ODAD2: variants seen among roughly 807,000 people sequenced by gnomAD.
ODAD2 encodes the protein outer dynein arm docking complex subunit 2.
A neutral mutation model predicts 106.8 loss-of-function variants in ODAD2; 89 were observed. The ratio of observed to expected loss-of-function variants is 0.83; its 90% CI spans 0.70 to 0.99. The LOEUF is 0.99. Among genes scored for constraint, ODAD2 ranks in the 50% least tolerant of loss-of-function variants. ODAD2 has a pLI of 0.00. For missense variants in ODAD2, 1,168 were observed against 1,238.5 expected, an observed-to-expected ratio of 0.94 and a Z score of 0.85; for synonymous variants, 404 against 436.2, an observed-to-expected ratio of 0.93 and a Z score of 0.92.
intron 16 of ODAD2, among the ~76,000 whole-genome samples, chr10:27,918,342 A>G (rs1844539040): frequency 6.6e-6 from 1 of 151,954 alleles, no homozygotes; most frequent in Non-Finnish European, 1.5e-5. Flanking sequence ...ATTTTATCCA[A>G]GGAATAGAAG....
chr10:27,979,544 A>C (rs560545603), intron 7 of ODAD2, among the ~76,000 whole-genome samples: 1 of 152,038 alleles, frequency 6.6e-6, no homozygotes, highest in African/African-American at 2.4e-5. Context: ...ATCTGATTTG[A>C]TCACTCAAAA....
At chr10:27,934,920 A>ATCAAT in intron 16 of ODAD2, 90 bp downstream of exon 16, 1 of 1,464,628 alleles carries the variant, frequency 6.8e-7, no homozygotes. Flanking sequence ...ATTCGTGCAC[A>ATCAAT]TCAATTCTAA....
intron 17 of ODAD2, among the ~76,000 whole-genome samples, chr10:27,891,068 G>C (rs961899992): frequency 6.6e-6 from 1 of 152,092 alleles, no homozygotes; most frequent in Non-Finnish European, 1.5e-5. Context: ...CCCTCCACAA[G>C]CCTTCTTCTC....
chr10:27,912,645 A>G (rs1844090152), intron 16 of ODAD2, among the ~76,000 whole-genome samples: 1 of 152,180 alleles, frequency 6.6e-6, no homozygotes, highest in African/African-American at 2.4e-5. Context: ...CATGTTTTCT[A>G]AAAACTTCAC....
At chr10:27,971,041 C>G in intron 8 of ODAD2, 67 bp downstream of exon 8, 1 of 734,110 alleles carries the variant, frequency 1.4e-6, no homozygotes, top group East Asian at 2.9e-5. Context: ...AAATAAAGTT[C>G]TGTGAAAAAT....
chr10:27,965,310 A>G (rs1346519888), intron 9 of ODAD2, among the ~76,000 whole-genome samples: 1 of 152,238 alleles, frequency 6.6e-6, no homozygotes, highest in East Asian at 1.9e-4. Context: ...GTGGTTACAC[A>G]GAGCCTAGGG....
chr10:27,850,111 T>G (rs1224619812), intron 19 of ODAD2, among the ~76,000 whole-genome samples: 2 of 152,152 alleles, frequency 1.3e-5, no homozygotes, highest in Admixed American at 1.3e-4. Context: ...ACTTCACTAA[T>G]TTGGGCCTTA....
intron 17 of ODAD2, among the ~76,000 whole-genome samples, chr10:27,895,041 G>GAAAA (rs367930896): frequency 0.037 from 4,975 of 136,066 alleles, 326 homozygotes; most frequent in African/African-American, 0.13. Flanking sequence ...TCATCGGTAC[G>GAAAA]AAAAAAAAAA....
At chr10:27,955,909 GGT>G (rs1847696787) in intron 10 of ODAD2, among the ~76,000 whole-genome samples, 1 of 151,942 alleles carries the variant, frequency 6.6e-6, no homozygotes, top group South Asian at 2.1e-4. Context: ...CTGGCAGCCC[GGT>G]GGCATTTCTG....
intron 17 of ODAD2, among the ~76,000 whole-genome samples, chr10:27,870,834 T>C (rs1840819697): frequency 6.6e-6 from 1 of 152,218 alleles, no homozygotes; most frequent in Non-Finnish European, 1.5e-5. Context: ...TGTGTCTTTA[T>C]AGCAACATGA....
intron 1 of ODAD2, among the ~76,000 whole-genome samples, 159 bp downstream of exon 1, chr10:27,998,835 G>T (rs899279282): frequency 6.6e-6 from 1 of 152,088 alleles, no homozygotes; most frequent in African/African-American, 2.4e-5. Flanking sequence ...GTCGGCGCCC[G>T]CCTGTTGCTA....
At chr10:27,916,955 A>G (rs1216921840) in intron 16 of ODAD2, among the ~76,000 whole-genome samples, 1 of 152,106 alleles carries the variant, frequency 6.6e-6, no homozygotes, top group Admixed American at 6.6e-5. Flanking sequence ...AAATTTTCAC[A>G]CCCCTTTCTC....
intron 16 of ODAD2, among the ~76,000 whole-genome samples, chr10:27,913,252 T>C (rs1005940115): frequency 1.3e-5 from 2 of 152,056 alleles, no homozygotes; most frequent in Non-Finnish European, 2.9e-5. Flanking sequence ...TGGTACCTGA[T>C]AGGTAGTTTT....
intron 17 of ODAD2, among the ~76,000 whole-genome samples, chr10:27,875,659 T>C (rs185432170): frequency 3.3e-3 from 498 of 152,182 alleles, no homozygotes; most frequent in Non-Finnish European, 5.4e-3. Flanking sequence ...CCAACTGAGG[T>C]ACCAGGTTCA....
intron 19 of ODAD2, among the ~76,000 whole-genome samples, chr10:27,859,894 T>C (rs944007983): frequency 1.3e-5 from 2 of 152,206 alleles, no homozygotes; most frequent in Non-Finnish European, 2.9e-5. Context: ...TGTTATGGTT[T>C]AGACTAACAA....
In ODAD2 at chr10:27,944,524, G is replaced by A. The variant is rs540386125; in HGVS notation, c.1534-93C>T. 6 of 1,180,516 alleles carry A rather than the reference G, an allele frequency of 5.1e-6. No homozygotes were observed. The South Asian group carries it at 7.2e-5, about 14-fold the overall frequency. 73.1% of individuals were successfully genotyped at this position (1,180,516 alleles called of 1,614,324 possible). On this transcript the variant is annotated intron_variant, in intron 11 of 19. Coordinates refer to ENST00000305242, the MANE Select transcript of ODAD2 (RefSeq NM_018076.5). ...ATACCTAAAATCCTTCCCCAGTTAA[G>A]TTTTTTAAGAAATCATTTCCATTCC...
chr10:27,924,017 A>AGG (rs1845031580), intron 16 of ODAD2, among the ~76,000 whole-genome samples: 3 of 142,338 alleles, frequency 2.1e-5, no homozygotes, highest in South Asian at 2.2e-4. Context: ...AAAGAAAGAA[A>AGG]GAAAGAAGGA....
intron 9 of ODAD2, among the ~76,000 whole-genome samples, chr10:27,964,983 T>C (rs1848396746): frequency 6.6e-6 from 1 of 152,192 alleles, no homozygotes; most frequent in Admixed American, 6.5e-5. Flanking sequence ...CTGGTGATAA[T>C]TCCAGGAAGT....
intron 7 of ODAD2, among the ~76,000 whole-genome samples, chr10:27,974,729 T>C (rs1849084768): frequency 6.6e-6 from 1 of 151,984 alleles, no homozygotes; most frequent in African/African-American, 2.4e-5. Flanking sequence ...GGCTATTCTT[T>C]TCTGGTTCCA....
Sources: gnomAD v4.1 joint callset for allele counts (sites outside exome capture counted in the v4.1 genomes callset) on GRCh38, gnomAD v4.1.1 for gene constraint, MANE v1.5 for transcripts, NCBI Gene and HGNC (gene_info 2026-07-23, HGNC 2026-07-21) for gene names.